The following ZBTB20 variants were observed in gnomAD, a reference collection of about 807,000 sequenced individuals.
ZBTB20 encodes zinc finger and BTB domain containing 20.
In ZBTB20, 9 loss-of-function variants were observed where a neutral mutation model predicts 56.9. The ratio of observed to expected loss-of-function variants is 0.16; its 90% CI spans 0.10 to 0.28. ZBTB20 has a LOEUF of 0.28. Ranked by LOEUF, ZBTB20 falls within the 10% of genes least tolerant of loss-of-function variation. The probability of loss-of-function intolerance (pLI) is 1.00; values close to 1 mark genes in which losing one functional copy is unlikely to be tolerated. For missense variants in ZBTB20, 655 were observed against 1,003.0 expected, an observed-to-expected ratio of 0.65 and a Z score of 4.69; for synonymous variants, 417 against 420.7, an observed-to-expected ratio of 0.99 and a Z score of 0.11.
rs559904505 is a variant in ZBTB20 at position 114,440,924 on chromosome 3, T to A, written c.-254-51819A>T. On this transcript the variant is annotated intron_variant, in intron 7 of 11. Coordinates refer to ENST00000675478, the MANE Select transcript of ZBTB20 (RefSeq NM_001348800.3). ...CTACATTAGGGCTGTCCTCTCTGAG[T>A]CCCTGACCTTAGATGGTCTTTCTCT... 3.3e-5 allele frequency among the ~76,000 whole-genome samples: 5 copies of A among 152,304 alleles called. No homozygotes were observed. The Middle Eastern group carries it at 0.017, about 518-fold the overall frequency.
At chr3:114,392,101 A>G (rs1172649274) in intron 7 of ZBTB20, among the ~76,000 whole-genome samples, 1 of 152,262 alleles carries the variant, frequency 6.6e-6, no homozygotes, top group Non-Finnish European at 1.5e-5. Context: ...AAAGTTTTCT[A>G]ACATTACCAG....
intron 4 of ZBTB20, among the ~76,000 whole-genome samples, chr3:114,864,723 C>T (rs191134043): frequency 7.2e-4 from 110 of 152,092 alleles, no homozygotes; most frequent in Non-Finnish European, 1.2e-3. Flanking sequence ...GTAAAGAAGA[C>T]AAATTTCTAA....
intron 6 of ZBTB20, among the ~76,000 whole-genome samples, chr3:114,609,064 C>G (rs1490092866): frequency 2.6e-5 from 4 of 152,190 alleles, no homozygotes; most frequent in Admixed American, 2.6e-4. Context: ...TCTGATAAAT[C>G]AGTCTATTTC....
intron 7 of ZBTB20, among the ~76,000 whole-genome samples, chr3:114,409,230 C>T (rs1453793560): frequency 6.8e-6 from 1 of 146,232 alleles, no homozygotes; most frequent in African/African-American, 2.6e-5. Flanking sequence ...GCTTTTACCC[C>T]AAGTGGATAA....
intron 4 of ZBTB20, among the ~76,000 whole-genome samples, chr3:114,866,715 C>CTTTTT (rs951609363): frequency 6.6e-6 from 1 of 151,446 alleles, no homozygotes; most frequent in Non-Finnish European, 1.5e-5. Context: ...TGGAACATTC[C>CTTTTT]TTTTTTTTTC....
chr3:114,865,208 A>C (rs142664457), intron 4 of ZBTB20, among the ~76,000 whole-genome samples: 3 of 152,238 alleles, frequency 2.0e-5, no homozygotes, highest in African/African-American at 4.8e-5. Context: ...TAGGGCTTCT[A>C]CCCCTCAACT....
rs369198125 is a variant in ZBTB20, at chr3:114,503,867, G to C, written c.-294-3476C>G. On this transcript the variant is annotated intron_variant, in intron 6 of 11. Coordinates refer to ENST00000675478, the MANE Select transcript of ZBTB20 (RefSeq NM_001348800.3). ...TAAAGTCAATTCTAGTGTAGTTTATGTAAAGTTCTACAGCAGTGGTTTTCA... is the reference window on the plus strand; with the variant it reads ...TAAAGTCAATTCTAGTGTAGTTTATCTAAAGTTCTACAGCAGTGGTTTTCA... Among the ~76,000 whole-genome samples, 23 of 152,292 alleles carry C rather than the reference G, an allele frequency of 1.5e-4. 1 individual carries two copies. The South Asian group carries it at 4.6e-3, about 30-fold the overall frequency.
At chr3:114,725,373 C>T (rs778556133) in intron 5 of ZBTB20, among the ~76,000 whole-genome samples, 50 of 152,218 alleles carry the variant, frequency 3.3e-4, no homozygotes, top group Non-Finnish European at 5.7e-4. Flanking sequence ...GATTTGCTAT[C>T]GACTCATCCA....
Position 114,790,864 on chromosome 3 carries a change from T to A in ZBTB20, c.-343+10237A>T, listed in dbSNP as rs1328040969. On this transcript the variant is annotated intron_variant, in intron 5 of 11. Transcript: ENST00000675478. ...GCAACTATTTAAAAGAAGTAATATA[T>A]CACTAGCAATTCATTCTTCATTGTT... Among the ~76,000 whole-genome samples, 5 of 151,982 alleles carry A rather than the reference T, an allele frequency of 3.3e-5. No homozygotes were observed. The East Asian group carries it at 9.7e-4, about 29-fold the overall frequency.
chr3:114,420,330 G>T (rs574544700), intron 7 of ZBTB20, among the ~76,000 whole-genome samples: 13 of 152,128 alleles, frequency 8.5e-5, no homozygotes, highest in Non-Finnish European at 1.3e-4. Context: ...CATCCTTGGA[G>T]TTATCCTTGG....
intron 3 of ZBTB20, among the ~76,000 whole-genome samples, chr3:114,917,643 G>A (rs1428237622): frequency 6.6e-6 from 1 of 152,100 alleles, no homozygotes; most frequent in African/African-American, 2.4e-5. Flanking sequence ...CCATATTGGT[G>A]GTCTTGTACA....
chr3:114,368,652 A>C (rs2082677661), intron 10 of ZBTB20, among the ~76,000 whole-genome samples: 1 of 152,212 alleles, frequency 6.6e-6, no homozygotes, highest in African/African-American at 2.4e-5. Context: ...ATGAACCTCT[A>C]AAAGAAAGGC....
At chr3:115,017,193 A>T (rs1372151384) in intron 2 of ZBTB20, among the ~76,000 whole-genome samples, 6 of 151,856 alleles carry the variant, frequency 4.0e-5, no homozygotes, top group Non-Finnish European at 5.9e-5. Flanking sequence ...CTCAGGATAC[A>T]TAATCAATGT....
At chr3:114,687,621 A>G (rs1197244750) in intron 6 of ZBTB20, 1 of 151,764 alleles carries the variant, frequency 6.6e-6, no homozygotes, top group Non-Finnish European at 1.5e-5. Context: ...AAAAAAAAAA[A>G]AAAAAGAAAG....
At chr3:114,792,876 C>CTTTTTTT in intron 5 of ZBTB20, among the ~76,000 whole-genome samples, 1 of 119,662 alleles carries the variant, frequency 8.4e-6, no homozygotes, top group African/African-American at 3.1e-5. Context: ...TTTTCTTTTT[C>CTTTTTTT]TTTTTTTTTT....
intron 11 of ZBTB20, among the ~76,000 whole-genome samples, chr3:114,342,899 T>TATGGATAAA (rs1192795969): frequency 6.6e-6 from 1 of 152,164 alleles, no homozygotes; most frequent in Non-Finnish European, 1.5e-5. Context: ...AGAAGTGGTA[T>TATGGATAAA]ATGGATAAAA....
intron 2 of ZBTB20, among the ~76,000 whole-genome samples, chr3:115,049,552 T>G (rs1456051040): frequency 1.3e-5 from 2 of 152,116 alleles, no homozygotes; most frequent in Non-Finnish European, 2.9e-5. Flanking sequence ...TGTACAATAT[T>G]TTATAATAAT....
At chr3:114,662,063 C>T (rs1328234613) in intron 6 of ZBTB20, among the ~76,000 whole-genome samples, 1 of 123,764 alleles carries the variant, frequency 8.1e-6, no homozygotes, top group East Asian at 2.7e-4. Flanking sequence ...CCTCCCCCCA[C>T]CCCACCACAG....
At chr3:114,506,744 G>A (rs1015029173) in intron 6 of ZBTB20, among the ~76,000 whole-genome samples, 5 of 152,170 alleles carry the variant, frequency 3.3e-5, no homozygotes, top group Non-Finnish European at 7.4e-5. Context: ...ATTTAGACTT[G>A]TCACTACCAA....
Sources: gnomAD v4.1 joint callset for allele counts (sites outside exome capture counted in the v4.1 genomes callset) on GRCh38, gnomAD v4.1.1 for gene constraint, MANE v1.5 for transcripts, NCBI Gene and HGNC (gene_info 2026-07-23, HGNC 2026-07-21) for gene names.